The following DYNC2H1 variants were observed in gnomAD, a reference collection of about 807,000 sequenced individuals.
The protein encoded by DYNC2H1 is dynein cytoplasmic 2 heavy chain 1, also known as cytoplasmic dynein 2 heavy chain 1.
Under a neutral mutation model 570.0 loss-of-function variants are expected in DYNC2H1, and 410 were observed. That is an observed-to-expected ratio of 0.72 (90% CI 0.66 to 0.78). The LOEUF (loss-of-function observed/expected upper bound fraction) is 0.78. Among genes scored for constraint, DYNC2H1 ranks in the 30% least tolerant of loss-of-function variants. The probability of loss-of-function intolerance (pLI) is 0.00; values close to 1 mark genes in which losing one functional copy is unlikely to be tolerated. For missense variants in DYNC2H1, 4,865 were observed against 5,046.4 expected (o/e 0.96, Z 1.09); for synonymous variants, 1,688 against 1,677.6 (o/e 1.01, Z -0.15).
intron 83 of DYNC2H1, among the ~76,000 whole-genome samples, chr11:103,393,535 A>T (rs937507479): frequency 6.6e-6 from 1 of 152,228 alleles, no homozygotes; most frequent in African/African-American, 2.4e-5. Context: ...AAAGTTTCAT[A>T]GTTTTTATTA....
chr11:103,392,970 G>A (rs1443479219), intron 83 of DYNC2H1, among the ~76,000 whole-genome samples: 2 of 151,090 alleles, frequency 1.3e-5, no homozygotes, highest in African/African-American at 2.4e-5. Context: ...TGCAACCTCC[G>A]CCTCCCAGGT....
intron 57 of DYNC2H1, among the ~76,000 whole-genome samples, chr11:103,221,046 A>T (rs1863565830): frequency 1.3e-5 from 2 of 152,276 alleles, no homozygotes; most frequent in South Asian, 4.1e-4. Context: ...AATAAATATA[A>T]TAATATATTT....
intron 47 of DYNC2H1, 82 bp downstream of exon 47, chr11:103,192,346 G>T (rs767267078): frequency 3.0e-6 from 3 of 1,001,536 alleles, no homozygotes; most frequent in Admixed American, 3.6e-5. Flanking sequence ...TGATTTTATA[G>T]GTCTAAACAA....
At position 103,280,719 on chromosome 11, in the gene DYNC2H1, G is replaced by A. The variant is rs916728489; in HGVS notation, c.10761+306G>A. 6.6e-6 allele frequency among the ~76,000 whole-genome samples: 1 copy of A among 152,090 alleles called. No individual in the cohort carries two copies. Among genetic ancestry groups the A allele is most frequent in the African/African-American group, 2.4e-5 (1 of 41,432 alleles). ...CCTTCTTCTTTTCCCGGCCTAGGTA[G>A]TAGAGCTCATATAGAAAAAGTGAGA... On this transcript the variant is annotated intron_variant, in intron 71 of 88. Coordinates refer to ENST00000375735, the MANE Select transcript of DYNC2H1 (RefSeq NM_001377.3). The surrounding 1 kb of genome is among the most constrained non-coding windows in gnomAD (Gnocchi z 4.7).
chr11:103,475,274 A>G (rs1945516287), intron 88 of DYNC2H1, among the ~76,000 whole-genome samples: 1 of 152,184 alleles, frequency 6.6e-6, no homozygotes, highest in Admixed American at 6.6e-5. Flanking sequence ...GAATTATTTG[A>G]AGTCTTCCTA....
intron 87 of DYNC2H1, among the ~76,000 whole-genome samples, chr11:103,456,730 C>T (rs1944802420): frequency 5.3e-5 from 8 of 152,148 alleles, no homozygotes; most frequent in Admixed American, 5.2e-4. Flanking sequence ...CAAAACACCC[C>T]CAAATCTGAA....
chr11:103,448,101 T>C (rs1357880430), intron 85 of DYNC2H1, among the ~76,000 whole-genome samples: 1 of 152,190 alleles, frequency 6.6e-6, no homozygotes, highest in African/African-American at 2.4e-5. Flanking sequence ...GCAGGTTCTA[T>C]GCTTACTATG....
chr11:103,123,038 A>T (rs546613851), intron 11 of DYNC2H1, 38 bp downstream of exon 11: 13 of 1,278,118 alleles, frequency 1.0e-5, no homozygotes, highest in East Asian at 2.9e-5. Context: ...ATCCAAAACC[A>T]TATGTTATTA....
chr11:103,469,835 T>C (rs753815885), intron 88 of DYNC2H1, among the ~76,000 whole-genome samples: 8 of 152,214 alleles, frequency 5.3e-5, no homozygotes, highest in Non-Finnish European at 1.0e-4. Context: ...CACATTTTTG[T>C]CTTAGCTGTG....
chr11:103,330,035 A>G (rs1243521100), intron 82 of DYNC2H1, among the ~76,000 whole-genome samples: 1 of 152,134 alleles, frequency 6.6e-6, no homozygotes, highest in Non-Finnish European at 1.5e-5. Flanking sequence ...ACTTTTATTT[A>G]TCTCAGCTAT....
chr11:103,248,998 C>T (rs1419584646), intron 65 of DYNC2H1, among the ~76,000 whole-genome samples: 1 of 152,032 alleles, frequency 6.6e-6, no homozygotes, highest in African/African-American at 2.4e-5. Flanking sequence ...TGTACCTTGC[C>T]CAATCATGCT....
Position 103,205,207 on chromosome 11 carries a change from A to G in DYNC2H1, c.8454+243A>G, listed in dbSNP as rs935145701. 2.6e-5 allele frequency among the ~76,000 whole-genome samples: 4 copies of G among 152,166 alleles called. No individual in the cohort carries two copies. The South Asian group carries it at 6.2e-4, about 24-fold the overall frequency. The stretch of plus-strand genomic sequence containing the variant: ...AGAGACAACTATACTTTAAAATTTT[A>G]TGGCTTTAATTAACTAGCCTATTAC... On this transcript the variant is annotated intron_variant, in intron 52 of 88. Coordinates refer to ENST00000375735, the MANE Select transcript of DYNC2H1 (RefSeq NM_001377.3). This position sits in a 1 kb window ranked among gnomAD's most constrained non-coding sequence, Gnocchi z 4.5.
At chr11:103,238,984 G>A (rs1447491458) in intron 63 of DYNC2H1, among the ~76,000 whole-genome samples, 4 of 152,142 alleles carry the variant, frequency 2.6e-5, no homozygotes, top group African/African-American at 7.2e-5. Context: ...CCTGGTTTGG[G>A]TGATAAATTA....
chr11:103,341,052 G>A lies in DYNC2H1; in HGVS notation c.12039+17062G>A, dbSNP rs563778648. Among the ~76,000 whole-genome samples the A allele has an allele frequency of 5.9e-5, 9 of 152,172 alleles. No individual in the cohort carries two copies. The South Asian group carries it at 1.9e-3, about 32-fold the overall frequency. On this transcript the variant is annotated intron_variant, in intron 82 of 88. Transcript: ENST00000375735. Reference sequence around the variant, plus strand: ...GGTGGAACCTTTTTTTAAAGCCAGAGTGATACAGGCAAAGAAGTGACAAGG... The same window carrying A: ...GGTGGAACCTTTTTTTAAAGCCAGAATGATACAGGCAAAGAAGTGACAAGG...
intron 83 of DYNC2H1, among the ~76,000 whole-genome samples, chr11:103,380,307 C>T (rs918647996): frequency 3.3e-5 from 5 of 152,160 alleles, no homozygotes; most frequent in African/African-American, 7.2e-5. Flanking sequence ...GTAATAACCA[C>T]TTCCCTCTCC....
chr11:103,450,935 G>A (rs995256246), intron 85 of DYNC2H1, among the ~76,000 whole-genome samples: 4 of 152,098 alleles, frequency 2.6e-5, no homozygotes, highest in African/African-American at 4.8e-5. Flanking sequence ...TTCATACTGT[G>A]TATACATTTT....
At chr11:103,176,529 A>G (rs1482885565) in intron 37 of DYNC2H1, 95 bp downstream of exon 37, 24 of 1,033,152 alleles carry the variant, frequency 2.3e-5, no homozygotes, top group Non-Finnish European at 2.3e-5. Context: ...CTTATCTTTT[A>G]TCTTTCAACT....
At chr11:103,274,569 G>A (rs1408172089) in intron 70 of DYNC2H1, among the ~76,000 whole-genome samples, 1 of 151,822 alleles carries the variant, frequency 6.6e-6, no homozygotes, top group African/African-American at 2.4e-5. Context: ...CATCTTACTA[G>A]CTTCTCCAGC....
chr11:103,466,970 T>C (rs1945212604), intron 87 of DYNC2H1, among the ~76,000 whole-genome samples: 1 of 151,950 alleles, frequency 6.6e-6, no homozygotes, highest in African/African-American at 2.4e-5. Context: ...TGGTAAACAG[T>C]TGGAAATATT....
Sources: allele counts gnomAD v4.1 joint callset (sites outside exome capture counted in the v4.1 genomes callset), GRCh38; gene constraint gnomAD v4.1.1; non-coding constraint Gnocchi (gnomAD v3.1); transcripts MANE v1.5; gene names NCBI Gene and HGNC (gene_info 2026-07-23, HGNC 2026-07-21).